SHISAL1: variants seen among roughly 807,000 people sequenced by gnomAD.
SHISAL1 encodes the protein protein shisa-like-1.
In SHISAL1, 9 loss-of-function variants were observed where a neutral mutation model predicts 22.6. The observed-to-expected ratio is 0.40, with a 90% CI of 0.24 to 0.70. The LOEUF is 0.70. SHISAL1 is among the 30% of genes least tolerant of loss of function. The pLI is 0.39. For missense variants in SHISAL1, 246 were observed against 270.6 expected (o/e 0.91, Z 0.64); for synonymous variants, 119 against 115.4 (o/e 1.03, Z -0.20).
chr22:44,271,219 C>T (rs1235888223), intron 4 of SHISAL1, among the ~76,000 whole-genome samples: 1 of 152,156 alleles, frequency 6.6e-6, no homozygotes. Context: ...AGCTGGGCAG[C>T]ACAGAGTCCA....
rs545166291 is a variant in SHISAL1 at position 44,257,909 on chromosome 22, A to T, written c.*-8224T>A. 2.0e-5 allele frequency among the ~76,000 whole-genome samples: 3 copies of T among 152,340 alleles called. No homozygotes were observed. In the South Asian group the frequency reaches 6.2e-4, roughly 32 times the overall value. On this transcript the variant is annotated intron_variant, in intron 4 of 4. Coordinates refer to ENST00000381176, the MANE Select transcript of SHISAL1 (RefSeq NM_001099294.2). ...GTAATCCCAGCACTTTGGGAGGCCG[A>T]GGTGGGCGGATCACCAGGTCAGGAG...
the SHISAL1 span, among the ~76,000 whole-genome samples, chr22:44,329,461 A>ACG: frequency 8.0e-3 from 1,218 of 151,684 alleles, 9 homozygotes; most frequent in African/African-American, 0.021. Context: ...ACACACACAC[A>ACG]CACGCGCGGC....
chr22:44,270,071 G>A (rs2055196135), intron 4 of SHISAL1, among the ~76,000 whole-genome samples: 1 of 152,198 alleles, frequency 6.6e-6, no homozygotes, highest in Non-Finnish European at 1.5e-5. Flanking sequence ...CTCCCCCTGG[G>A]CCTCCCTGCC....
chr22:44,265,450 G>A lies in SHISAL1; in HGVS notation c.*-15765C>T, dbSNP rs555807710. ...TGAACCCGCTACCAGCCACCTGAGT[G>A]AGCTGAGAGGTGTATCCTCTCCAGC... On this transcript the variant is annotated intron_variant, in intron 4 of 4. Transcript: ENST00000381176. 1.1e-4 allele frequency among the ~76,000 whole-genome samples: 16 copies of A among 152,202 alleles called. 1 individual carries two copies. Among genetic ancestry groups the A allele is most frequent in the African/African-American group, 3.9e-4 (16 of 41,536 alleles).
chr22:44,281,460 G>A (rs1646354312), intron 4 of SHISAL1, among the ~76,000 whole-genome samples: 1 of 152,126 alleles, frequency 6.6e-6, no homozygotes, highest in African/African-American at 2.4e-5. Flanking sequence ...GTGTCTGTGT[G>A]TGTAGGGGGT....
At chr22:44,284,969 C>T (rs563941253) in intron 4 of SHISAL1, among the ~76,000 whole-genome samples, 2 of 139,954 alleles carry the variant, frequency 1.4e-5, no homozygotes, top group African/African-American at 5.5e-5. Context: ...AGAACTAGTA[C>T]CCCTCATGCC....
At chr22:44,298,557 G>GC (rs1207657353) in intron 2 of SHISAL1, among the ~76,000 whole-genome samples, 1 of 152,242 alleles carries the variant, frequency 6.6e-6, no homozygotes, top group Non-Finnish European at 1.5e-5. Context: ...CAGTGAGGAG[G>GC]CCCTGCTCAC....
At chr22:44,266,525 G>GGTGT (rs386395566) in intron 4 of SHISAL1, among the ~76,000 whole-genome samples, 46 of 45,704 alleles carry the variant, frequency 1.0e-3, no homozygotes, top group African/African-American at 1.3e-3. Context: ...GGGGCTTTGG[G>GGTGT]GTATGTGTGT....
chr22:44,249,986 T>TTTCTGTG (rs2055036115), intron 4 of SHISAL1, among the ~76,000 whole-genome samples: 1 of 152,156 alleles, frequency 6.6e-6, no homozygotes, highest in African/African-American at 2.4e-5. Context: ...CATAGAAAAT[T>TTTCTGTG]TAACAGAATC....
chr22:44,301,724 A>G (rs2055430769), intron 1 of SHISAL1, among the ~76,000 whole-genome samples: 2 of 152,144 alleles, frequency 1.3e-5, no homozygotes, highest in Non-Finnish European at 2.9e-5. Flanking sequence ...ACTCTCCCAA[A>G]ACAGGAGGGA....
At chr22:44,292,126 T>C (rs1284913691) in intron 3 of SHISAL1, among the ~76,000 whole-genome samples, 1 of 152,012 alleles carries the variant, frequency 6.6e-6, no homozygotes, top group Non-Finnish European at 1.5e-5. Flanking sequence ...TCAGAAGCGC[T>C]CTCCTTTTCC....
chr22:44,281,593 C>T (rs771803936), intron 4 of SHISAL1, among the ~76,000 whole-genome samples: 6 of 152,264 alleles, frequency 3.9e-5, no homozygotes, highest in Admixed American at 6.5e-5. Flanking sequence ...AAGGAGACAC[C>T]GTTAGGTGAC....
At chr22:44,284,889 G>GCCTTCCTT (rs1156921536) in intron 4 of SHISAL1, among the ~76,000 whole-genome samples, 17 of 75,816 alleles carry the variant, frequency 2.2e-4, no homozygotes, top group African/African-American at 1.0e-3. Context: ...CCACCTCTCT[G>GCCTTCCTT]CCTTCCTGCC....
At chr22:44,249,967 G>T (rs576198179) in intron 4 of SHISAL1, among the ~76,000 whole-genome samples, 4 of 152,190 alleles carry the variant, frequency 2.6e-5, no homozygotes, top group Non-Finnish European at 5.9e-5. Context: ...GTTAATTGTG[G>T]ATAACTTACA....
At chr22:44,272,830 C>T (rs775263004) in intron 4 of SHISAL1, among the ~76,000 whole-genome samples, 8 of 152,206 alleles carry the variant, frequency 5.3e-5, no homozygotes, top group Non-Finnish European at 7.3e-5. Context: ...ATAAGAAACA[C>T]ATTGGCTGTA....
chr22:44,304,234 G>A (rs1197801327), intron 1 of SHISAL1, among the ~76,000 whole-genome samples: 1 of 151,936 alleles, frequency 6.6e-6, no homozygotes, highest in Non-Finnish European at 1.5e-5. Flanking sequence ...GCTCTGGGCA[G>A]GCAGAAAGGA....
At chr22:44,327,203 G>C in the SHISAL1 span, among the ~76,000 whole-genome samples, 47,094 of 150,014 alleles carry the variant, frequency 0.31, 8,253 homozygotes, top group African/African-American at 0.46. Context: ...CTACCACCCT[G>C]CCCACCCCCT....
At chr22:44,327,256 A>G in the SHISAL1 span, among the ~76,000 whole-genome samples, 142 of 109,264 alleles carry the variant, frequency 1.3e-3, 1 homozygote, top group Non-Finnish European at 1.6e-3. Context: ...ACACACACAC[A>G]CACACACACA....
At chr22:44,280,281 C>G (rs1275873446) in intron 4 of SHISAL1, among the ~76,000 whole-genome samples, 1 of 152,052 alleles carries the variant, frequency 6.6e-6, no homozygotes, top group East Asian at 1.9e-4. Flanking sequence ...ATAGGTGAGG[C>G]CCAGGTGGCA....
Sources: gnomAD v4.1 joint callset for allele counts (sites outside exome capture counted in the v4.1 genomes callset) on GRCh38, gnomAD v4.1.1 for gene constraint, MANE v1.5 for transcripts, NCBI Gene and HGNC (gene_info 2026-07-23, HGNC 2026-07-21) for gene names.